Variants in LRP1 observed in about 807,000 individuals in gnomAD.
LRP1 encodes the protein LDL receptor related protein 1.
LRP1 carries 51 observed loss-of-function variants against 541.5 expected under a neutral mutation model. That is an observed-to-expected ratio of 0.09 (90% CI 0.08 to 0.12). LRP1 has a LOEUF of 0.12. LRP1 is among the 10% of genes least tolerant of loss of function. LRP1 has a pLI of 1.00. For missense variants in LRP1, 3,878 were observed against 6,376.2 expected, an observed-to-expected ratio of 0.61 and a Z score of 13.34; for synonymous variants, 2,219 against 2,470.8, an observed-to-expected ratio of 0.90 and a Z score of 3.02.
Position 57,184,705 on chromosome 12 carries a change from T to C in LRP1, c.6187-134T>C, listed in dbSNP as rs1176186188. ...CAGCAGGGCAGTGGGCAGGAGTGTA[T>C]GCAGGAGGCAGGAGTGAGTTAGGGG... On this transcript the variant is annotated intron_variant, in intron 38 of 88. Coordinates refer to ENST00000243077, the MANE Select transcript of LRP1 (RefSeq NM_002332.3). This position sits in a 1 kb window ranked among gnomAD's most constrained non-coding sequence, Gnocchi z 7.8. The C allele has an allele frequency of 2.9e-6, 3 of 1,036,918 alleles. No individual in the cohort carries two copies. In the African/African-American group the frequency reaches 4.8e-5, roughly 17 times the overall value. 64.2% of individuals were successfully genotyped at this position (1,036,918 alleles called of 1,614,324 possible). A position where few individuals can be genotyped will look rare whatever the true frequency, so the allele number is the denominator to read the frequency against.
chr12:57,160,131 G>A, intron 12 of LRP1, 126 bp downstream of exon 12: 1 of 871,764 alleles, frequency 1.1e-6, no homozygotes, highest in Admixed American at 2.3e-5. Flanking sequence ...AGGAATGAGA[G>A]TCTGCAAGGG....
Position 57,201,558 on chromosome 12 carries a change from G to A in LRP1, c.10407G>A (p.Arg3469=). ...CCATTACCAAACGGTGCATCCCCCG[G>A]GTCTGGGTCTGCGACCGGGACAATG... ...QCSITKRCIP[R]VWVCDRDNDC... Residue 3469 remains arginine (R), a synonymous_variant, in exon 66 of 89, where the codon CGG becomes CGA. Coordinates refer to ENST00000243077, the MANE Select transcript of LRP1 (RefSeq NM_002332.3). This position sits in a 1 kb window ranked among gnomAD's most constrained non-coding sequence, Gnocchi z 6.4. The A allele has an allele frequency of 3.1e-6, 5 of 1,614,078 alleles. No individual in the cohort carries two copies.
Position 57,173,652 on chromosome 12 carries a change from G to A in LRP1, c.3347-128G>A, listed in dbSNP as rs1465708950. 41 of 963,904 alleles carry A rather than the reference G, an allele frequency of 4.3e-5. No homozygotes were observed. Among genetic ancestry groups the A allele is most frequent in the Non-Finnish European group, 5.7e-5 (36 of 628,286 alleles). The allele number at this position is 963,904 out of a possible 1,614,324, so 59.7% of individuals were successfully genotyped here. On this transcript the variant is annotated intron_variant, in intron 21 of 88. Transcript: ENST00000243077. The surrounding 1 kb of genome is among the most constrained non-coding windows in gnomAD (Gnocchi z 4.7). ...ATGTGAATTTGACCCAAAAAGCCTC[G>A]GGGTTCCTCGTGGACCCCACAGCGT... is the stretch of plus-strand genomic sequence containing the variant.
chr12:57,198,490 G>A lies in LRP1; in HGVS notation c.9496G>A (p.Asp3166Asn), dbSNP rs1046340578. The A allele has an allele frequency of 1.2e-6, 2 of 1,613,986 alleles. No individual in the cohort carries two copies. The highest frequency in any genetic ancestry group is 1.3e-5 in the African/African-American group (1 of 74,954). The change falls in exon 60 of 89, where the codon GAC becomes AAC. Residue 3166 changes from aspartate to asparagine, a missense_variant. This residue lies in a region of LRP1 where 1,100 missense variants were observed against 1,827.4 expected (regional missense o/e 0.60). Transcript: ENST00000243077. Reference protein sequence around the residue: ...NGYLYWTDWGDHSLIGRIGMD... With the variant: ...NGYLYWTDWGNHSLIGRIGMD... ...GTACCTGTACTGGACAGACTGGGGT[G>A]ACCATTCACTGATCGGCCGCATCGG...
At chr12:57,139,831 AGATT>A (rs912551664) in intron 2 of LRP1, among the ~76,000 whole-genome samples, 2 of 152,198 alleles carry the variant, frequency 1.3e-5, no homozygotes, top group African/African-American at 4.8e-5. Flanking sequence ...ACACAAACCC[AGATT>A]GATTCACATG....
intron 19 of LRP1, 39 bp from the exon 20 acceptor site, chr12:57,169,101 A>G: frequency 2.5e-6 from 4 of 1,570,492 alleles, no homozygotes; most frequent in Non-Finnish European, 2.6e-6. Context: ...TGCTCCACCA[A>G]CTCCCGCTTT....
chr12:57,185,911 G>T lies in LRP1; in HGVS notation c.6841+3G>T, dbSNP rs2036260631. On this transcript the variant is annotated splice_donor_region_variant and intron_variant, in intron 41 of 88. Transcript: ENST00000243077. The surrounding 1 kb of genome is among the most constrained non-coding windows in gnomAD (Gnocchi z 4.9). ...CAGGAGGATCACCATTGTGGAAAGT[G>T]AGCCCAGACCCTAAGTCTTCCCAGG... The T allele has an allele frequency of 1.2e-6, 2 of 1,610,880 alleles. No homozygotes were observed. Among genetic ancestry groups the T allele is most frequent in the Non-Finnish European group, 1.7e-6 (2 of 1,177,976 alleles).
rs1310207437 is a variant in LRP1 at position 57,140,435 on chromosome 12, A to G, written c.191-939A>G. ...GAATATTTTATCCAATGGATCCAAA[A>G]TATTATCACTTTAGTACAGTGTATT... On this transcript the variant is annotated intron_variant, in intron 2 of 88. Coordinates refer to ENST00000243077, the MANE Select transcript of LRP1 (RefSeq NM_002332.3). Among the ~76,000 whole-genome samples the G allele has an allele frequency of 5.9e-5, 9 of 152,260 alleles. No homozygotes were observed. In the East Asian group the frequency reaches 1.7e-3, roughly 29 times the overall value.
At position 57,158,578 on chromosome 12, in the gene LRP1, A is replaced by C; in HGVS notation, c.1738A>C (p.Ser580Arg). Residue 580 changes from serine to arginine, a missense_variant, in exon 11 of 89, where the codon AGC becomes CGC. By Grantham distance (110) the Ser-to-Arg change is moderately radical (BLOSUM62 -1). This residue lies in a region of LRP1 where 496 missense variants were observed against 861.0 expected (regional missense o/e 0.58). Transcript: ENST00000243077. This position sits in a 1 kb window ranked among gnomAD's most constrained non-coding sequence, Gnocchi z 5.3. ...TGFIYFADTTSYLIGRQKIDG... is the reference protein window; with the variant it reads ...TGFIYFADTTRYLIGRQKIDG... ...CTTCATCTACTTTGCCGACACCACC[A>C]GCTACCTCATTGGCCGCCAGAAGAT... is the stretch of plus-strand genomic sequence containing the variant. 6.2e-7 allele frequency: 1 copy of C among 1,614,122 alleles called. No homozygotes were observed. Among genetic ancestry groups the C allele is most frequent in the African/African-American group, 1.3e-5 (1 of 75,026 alleles).
intron 50 of LRP1, 82 bp from the exon 51 acceptor site, chr12:57,194,903 C>T: frequency 2.4e-6 from 3 of 1,261,776 alleles, no homozygotes; most frequent in Non-Finnish European, 3.5e-6. Flanking sequence ...GGGCATCTCT[C>T]CTGTCCTTCC....
chr12:57,134,132 TG>T (rs556258076), intron 1 of LRP1, among the ~76,000 whole-genome samples: 1 of 146,624 alleles, frequency 6.8e-6, no homozygotes, highest in Non-Finnish European at 1.5e-5. Flanking sequence ...TGCCTGGGTT[TG>T]GGGGGGTGGG....
intron 2 of LRP1, among the ~76,000 whole-genome samples, chr12:57,140,614 G>T (rs1293385395): frequency 6.6e-6 from 1 of 152,220 alleles, no homozygotes; most frequent in Non-Finnish European, 1.5e-5. Context: ...AGGTCTAGAA[G>T]ATTTGGCACC....
chr12:57,201,338 A>G lies in LRP1; in HGVS notation c.10346-159A>G, dbSNP rs1050565952. ...GCATGATATAGAGACATAGAGATCCAGAAAACAAAAAGCACCAAAACTGGG... is the reference window on the plus strand; with the variant it reads ...GCATGATATAGAGACATAGAGATCCGGAAAACAAAAAGCACCAAAACTGGG... On this transcript the variant is annotated intron_variant, in intron 65 of 88. Coordinates refer to ENST00000243077, the MANE Select transcript of LRP1 (RefSeq NM_002332.3). The surrounding 1 kb of genome is among the most constrained non-coding windows in gnomAD (Gnocchi z 6.4). Among the ~76,000 whole-genome samples the G allele has an allele frequency of 2.0e-5, 3 of 152,242 alleles. No homozygotes were observed. The highest frequency in any genetic ancestry group is 7.2e-5 in the African/African-American group (3 of 41,460).
At chr12:57,191,886 C>CACACA in intron 44 of LRP1, among the ~76,000 whole-genome samples, 1 of 54,762 alleles carries the variant, frequency 1.8e-5, no homozygotes, top group East Asian at 8.5e-4. Context: ...CCACACACAC[C>CACACA]CCACACATAC....
Position 57,143,815 on chromosome 12 carries a change from G to A in LRP1, c.448+17G>A. ...CCTGCAAAGGTATGTGAGTGCATGT[G>A]CCTGTGTGCATGTGTGTGTGCCAGT... On this transcript the variant is annotated intron_variant, in intron 4 of 88. Transcript: ENST00000243077. 4 of 1,610,482 alleles carry A rather than the reference G, an allele frequency of 2.5e-6. No homozygotes were observed. The highest frequency in any genetic ancestry group is 3.4e-6 in the Non-Finnish European group (4 of 1,177,858).
chr12:57,185,226 T>G lies in LRP1; in HGVS notation c.6463+21T>G. 6.2e-7 allele frequency: 1 copy of G among 1,613,410 alleles called. No individual in the cohort carries two copies. The highest frequency in any genetic ancestry group is 8.5e-7 in the Non-Finnish European group (1 of 1,179,652). On this transcript the variant is annotated intron_variant, in intron 40 of 88. Coordinates refer to ENST00000243077, the MANE Select transcript of LRP1 (RefSeq NM_002332.3). This position sits in a 1 kb window ranked among gnomAD's most constrained non-coding sequence, Gnocchi z 4.9. ...GAAAGGTGAGGCTGGGGCTCTGGGC[T>G]GGGGTGGAGAGGTGAGGGGGACTCT...
rs554100828 is a variant in LRP1 at position 57,197,360 on chromosome 12, G to T, written c.9138G>T (p.Gly3046=). ...ACCTGCGCAAGCTCAACCTGGACGG[G>T]TCCAACTACACGTTACTTAAGCAGG... ...RYYLRKLNLD[G]SNYTLLKQGL... The change falls in exon 57 of 89, where the codon GGG becomes GGT. Residue 3046 remains glycine, a synonymous_variant. Transcript: ENST00000243077. This position sits in a 1 kb window ranked among gnomAD's most constrained non-coding sequence, Gnocchi z 4.5. 2 of 1,613,722 alleles carry T rather than the reference G, an allele frequency of 1.2e-6. No homozygotes were observed. Among genetic ancestry groups the T allele is most frequent in the Admixed American group, 1.7e-5 (1 of 59,982 alleles).
At chr12:57,171,760 G>C (rs2035947806) in intron 20 of LRP1, among the ~76,000 whole-genome samples, 1 of 152,138 alleles carries the variant, frequency 6.6e-6, no homozygotes, top group Non-Finnish European at 1.5e-5. Context: ...GTAGGGAAGG[G>C]GGAGGAGCGG....
chr12:57,186,042 C>T lies in LRP1; in HGVS notation c.6841+134C>T. The T allele has an allele frequency of 9.7e-6, 10 of 1,025,818 alleles. No homozygotes were observed. The South Asian group carries it at 1.5e-4, about 16-fold the overall frequency. The allele number at this position is 1,025,818 out of a possible 1,614,324, so 63.5% of individuals were successfully genotyped here. A position where few individuals can be genotyped will look rare whatever the true frequency, so the allele number is the denominator to read the frequency against. On this transcript the variant is annotated intron_variant, in intron 41 of 88. Transcript: ENST00000243077. ...TACAACTCAGCTGAATCCAACTGCA[C>T]CCCCGCAGTTACATGACTCCTGATT...
Sources: allele counts gnomAD v4.1 joint callset (sites outside exome capture counted in the v4.1 genomes callset), GRCh38; gene constraint gnomAD v4.1.1; regional missense constraint gnomAD v4.1.1; non-coding constraint Gnocchi (gnomAD v3.1); transcripts MANE v1.5; gene names NCBI Gene and HGNC (gene_info 2026-07-23, HGNC 2026-07-21).